DGKD: variants seen among roughly 807,000 people sequenced by gnomAD.
DGKD encodes diacylglycerol kinase delta.
In DGKD, 68 loss-of-function variants were observed where a neutral mutation model predicts 154.4. The observed-to-expected ratio is 0.44, with a 90% CI of 0.36 to 0.54. The LOEUF is 0.54. Ranked by LOEUF, DGKD falls within the 20% of genes least tolerant of loss-of-function variation. The pLI is 0.00. For missense variants in DGKD, 1,343 were observed against 1,593.6 expected (o/e 0.84, Z 2.68); for synonymous variants, 693 against 638.0 (o/e 1.09, Z -1.30).
At chr2:233,378,411 C>CAAA (rs373116594) in intron 1 of DGKD, among the ~76,000 whole-genome samples, 3 of 118,698 alleles carry the variant, frequency 2.5e-5, no homozygotes, top group African/African-American at 5.9e-5. Context: ...GACTCCATCT[C>CAAA]AAAAAAAAAA....
At chr2:233,357,771 A>G (rs188808254) in intron 1 of DGKD, among the ~76,000 whole-genome samples, 1 of 152,040 alleles carries the variant, frequency 6.6e-6, no homozygotes, top group African/African-American at 2.4e-5. Flanking sequence ...TCCTGAGCTC[A>G]AGTAATACAC....
At chr2:233,400,334 C>G (rs1011175231) in intron 3 of DGKD, among the ~76,000 whole-genome samples, 2 of 152,176 alleles carry the variant, frequency 1.3e-5, no homozygotes, top group Non-Finnish European at 1.5e-5. Flanking sequence ...GAGCCCTGGC[C>G]AGGTCCCTCG....
chr2:233,356,901 A>G (rs1326933469), intron 1 of DGKD, among the ~76,000 whole-genome samples: 1 of 152,048 alleles, frequency 6.6e-6, no homozygotes, highest in African/African-American at 2.4e-5. Flanking sequence ...CAAAAATGGT[A>G]TGGGGTAGCA....
intron 1 of DGKD, among the ~76,000 whole-genome samples, chr2:233,373,035 T>G (rs1056078026): frequency 1.3e-5 from 2 of 152,164 alleles, no homozygotes; most frequent in African/African-American, 2.4e-5. Context: ...ATAAAATGGG[T>G]ACTGCGGGCG....
intron 3 of DGKD, among the ~76,000 whole-genome samples, chr2:233,399,838 G>A (rs568488164): frequency 1.2e-4 from 18 of 152,288 alleles, no homozygotes; most frequent in African/African-American, 3.9e-4. Flanking sequence ...GCCTGGATGT[G>A]CTTATGGAGG....
chr2:233,358,332 G>A (rs766538213), intron 1 of DGKD, among the ~76,000 whole-genome samples: 1 of 152,184 alleles, frequency 6.6e-6, no homozygotes, highest in African/African-American at 2.4e-5. Context: ...TTGGATATGA[G>A]CATGAAAGTG....
intron 3 of DGKD, among the ~76,000 whole-genome samples, chr2:233,417,253 G>A (rs1026480976): frequency 6.6e-6 from 1 of 152,068 alleles, no homozygotes; most frequent in African/African-American, 2.4e-5. Flanking sequence ...GACTGGTCTT[G>A]AACTCCTGAT....
intron 27 of DGKD, among the ~76,000 whole-genome samples, chr2:233,466,204 A>G (rs2063818962): frequency 6.6e-6 from 1 of 151,274 alleles, no homozygotes; most frequent in African/African-American, 2.4e-5. Context: ...TTGTAAATGT[A>G]TCTTGTATGC....
At chr2:233,463,997 G>T (rs2063749463) in intron 26 of DGKD, 167 bp from the exon 27 acceptor site, 1 of 853,932 alleles carries the variant, frequency 1.2e-6, no homozygotes, top group Non-Finnish European at 1.8e-6. Context: ...AGAAAGTGAG[G>T]TTCTGGGTTT....
At chr2:233,454,536 A>T (rs1268282802) in intron 18 of DGKD, 3 of 527,278 alleles carry the variant, frequency 5.7e-6, no homozygotes, top group African/African-American at 1.9e-5. Context: ...ATGCTCTAAA[A>T]TCGATTATCT....
In DGKD at chr2:233,471,876, G is replaced by T. The variant is rs917543275; in HGVS notation, c.*2416G>T. On this transcript the variant is annotated 3_prime_UTR_variant, in exon 30 of 30. Transcript: ENST00000264057. ...GTGGTGTTGCCAGACGGGCCTCATG[G>T]TCTGCTGTGCAGAGAGAGGCAGGAA... 1 of 152,406 alleles carries T rather than the reference G, an allele frequency of 6.6e-6. No homozygotes were observed. Among genetic ancestry groups the T allele is most frequent in the Admixed American group, 6.5e-5 (1 of 15,292 alleles). 9.4% of individuals were successfully genotyped at this position (152,406 alleles called of 1,614,324 possible).
intron 3 of DGKD, among the ~76,000 whole-genome samples, chr2:233,427,756 CT>C (rs1442448011): frequency 6.6e-6 from 1 of 152,192 alleles, no homozygotes; most frequent in Non-Finnish European, 1.5e-5. Context: ...TCTCCAAAGA[CT>C]TTTCTTTGTG....
rs371997638 is a variant in DGKD at position 233,376,439 on chromosome 2, T to TG, written c.157-11814dup. 3.2e-3 allele frequency among the ~76,000 whole-genome samples: 480 copies of TG among 152,288 alleles called. 1 individual carries two copies. Among genetic ancestry groups the TG allele is most frequent in the African/African-American group, 0.011 (446 of 41,564 alleles). On this transcript the variant is annotated intron_variant, in intron 1 of 29. Coordinates refer to ENST00000264057, the MANE Select transcript of DGKD (RefSeq NM_152879.3). ...GTAAAATGGGGCTATAACTATTGTA[T>TG]GGGGCAGATTAAATACAGATTCTAC... is the stretch of plus-strand genomic sequence containing the variant.
chr2:233,406,612 G>A (rs1403776082), intron 3 of DGKD, among the ~76,000 whole-genome samples: 1 of 152,202 alleles, frequency 6.6e-6, no homozygotes, highest in African/African-American at 2.4e-5. Context: ...CCTCAAAGCG[G>A]TCTGTGGATA....
At chr2:233,462,955 A>G (rs920940843) in intron 26 of DGKD, among the ~76,000 whole-genome samples, 1 of 152,228 alleles carries the variant, frequency 6.6e-6, no homozygotes, top group African/African-American at 2.4e-5. Flanking sequence ...CTTGCAGCGG[A>G]AACACCCTTG....
chr2:233,437,370 G>A lies in DGKD; in HGVS notation c.820-7G>A. ...GACCCTTGGTGACGCGGGGACTCTT[G>A]TTTCAGGTTCACACATCGTGTAAAG... On this transcript the variant is annotated splice_polypyrimidine_tract_variant and splice_region_variant and intron_variant, in intron 7 of 29. Transcript: ENST00000264057. 6.2e-7 allele frequency: 1 copy of A among 1,614,048 alleles called. No homozygotes were observed. The highest frequency in any genetic ancestry group is 8.5e-7 in the Non-Finnish European group (1 of 1,179,894).
At chr2:233,463,262 C>CCTCCTCACTGCACGCGT (rs1315317214) in intron 26 of DGKD, among the ~76,000 whole-genome samples, 159 of 151,972 alleles carry the variant, frequency 1.0e-3, no homozygotes, top group African/African-American at 3.5e-3. Flanking sequence ...ACGCCACTCA[C>CCTCCTCACTGCACGCGT]CTCCTCACTG....
At chr2:233,409,722 T>C (rs1489089642) in intron 3 of DGKD, among the ~76,000 whole-genome samples, 1 of 149,104 alleles carries the variant, frequency 6.7e-6, no homozygotes, top group Non-Finnish European at 1.5e-5. Context: ...TCCTTCCTCC[T>C]CACCACACAA....
intron 3 of DGKD, among the ~76,000 whole-genome samples, chr2:233,406,326 T>C (rs2061686171): frequency 6.6e-6 from 1 of 152,232 alleles, no homozygotes; most frequent in African/African-American, 2.4e-5. Flanking sequence ...GATTAGAACA[T>C]GGACATACCT....
Sources: gnomAD v4.1 joint callset for allele counts (sites outside exome capture counted in the v4.1 genomes callset) on GRCh38, gnomAD v4.1.1 for gene constraint, MANE v1.5 for transcripts, NCBI Gene and HGNC (gene_info 2026-07-23, HGNC 2026-07-21) for gene names.